TTC7A: variants seen among roughly 807,000 people sequenced by gnomAD.
TTC7A encodes tetratricopeptide repeat protein 7A.
A neutral mutation model predicts 103.7 loss-of-function variants in TTC7A; 110 were observed. That is an observed-to-expected ratio of 1.06 (90% confidence interval 0.91 to 1.24). The LOEUF is 1.24. Among genes scored for constraint, TTC7A ranks in the 50% most tolerant of loss-of-function variants. The pLI is 0.00. For missense variants in TTC7A, 1,340 were observed against 1,116.3 expected (o/e 1.20, Z -2.86); for synonymous variants, 521 against 467.9 (o/e 1.11, Z -1.47).
chr2:47,053,583 G>A (rs534829186), intron 18 of TTC7A, among the ~76,000 whole-genome samples: 1 of 150,142 alleles, frequency 6.7e-6, no homozygotes, highest in African/African-American at 2.5e-5. Flanking sequence ...TGGTTGGTTG[G>A]TTTTTTGAGG....
intron 11 of TTC7A, among the ~76,000 whole-genome samples, chr2:47,012,139 C>T (rs1413237269): frequency 6.6e-6 from 1 of 152,218 alleles, no homozygotes; most frequent in Non-Finnish European, 1.5e-5. Flanking sequence ...CTGCCCTGGG[C>T]CTACTCGGAT....
At chr2:46,978,530 C>G (rs1424891514) in intron 4 of TTC7A, among the ~76,000 whole-genome samples, 1 of 134,532 alleles carries the variant, frequency 7.4e-6, no homozygotes, top group Non-Finnish European at 1.6e-5. Flanking sequence ...AGTTTGAGAT[C>G]AGCCTGGGCA....
At chr2:46,919,666 G>A (rs1292380633) in intron 2 of TTC7A, among the ~76,000 whole-genome samples, 1 of 152,240 alleles carries the variant, frequency 6.6e-6, no homozygotes, top group African/African-American at 2.4e-5. Context: ...GTCTCTTGCT[G>A]TTGGGCCCTG....
Position 46,941,568 on chromosome 2 carries a change from C to G in TTC7A, c.27C>G (p.Ser9=). MAAKGAHG[S]YLKVESELER... ...TGGCTGCGAAGGGCGCGCACGGCTC[C>G]TACCTGAAGGTGGAGAGCGAGCTGG... is the stretch of plus-strand genomic sequence containing the variant. The change falls in exon 1 of 20, where the codon TCC becomes TCG. Residue 9 remains serine (S), a synonymous_variant. Transcript: ENST00000319190. This position sits in a 1 kb window ranked among gnomAD's most constrained non-coding sequence, Gnocchi z 4.2. The G allele has an allele frequency of 6.4e-7, 1 of 1,557,114 alleles. No homozygotes were observed. The highest frequency in any genetic ancestry group is 8.7e-7 in the Non-Finnish European group (1 of 1,151,026).
At position 46,944,142 on chromosome 2, in the gene TTC7A, C is replaced by T. The variant is rs56074302; in HGVS notation, c.184+2417C>T. On this transcript the variant is annotated intron_variant, in intron 1 of 19. Coordinates refer to ENST00000319190, the MANE Select transcript of TTC7A (RefSeq NM_020458.4). ...GAACCCCAGAGTCCTGCTTGCTGTG[C>T]TGGGGTTTGTTCATATAGAAACAAA... 5.4e-3 allele frequency among the ~76,000 whole-genome samples: 823 copies of T among 152,214 alleles called. 2 individuals are homozygous for T. Among genetic ancestry groups the T allele is most frequent in the Non-Finnish European group, 8.2e-3 (558 of 68,018 alleles).
At chr2:47,042,802 G>A (rs1230797407) in intron 15 of TTC7A, among the ~76,000 whole-genome samples, 1 of 152,214 alleles carries the variant, frequency 6.6e-6, no homozygotes, top group Non-Finnish European at 1.5e-5. Context: ...AGGAGGGCTG[G>A]AGCCGTGGGA....
intron 15 of TTC7A, among the ~76,000 whole-genome samples, chr2:47,038,591 A>C (rs911412069): frequency 6.6e-6 from 1 of 151,918 alleles, no homozygotes; most frequent in Non-Finnish European, 1.5e-5. Flanking sequence ...TTAAGAGATA[A>C]TGCCCCTTTC....
chr2:46,973,982 G>A (rs1673609938), intron 3 of TTC7A, among the ~76,000 whole-genome samples: 1 of 152,166 alleles, frequency 6.6e-6, no homozygotes, highest in Non-Finnish European at 1.5e-5. Flanking sequence ...CAGTAGCCAG[G>A]AGCAGCTGGT....
chr2:47,064,666 C>G (rs1684046204), intron 19 of TTC7A, among the ~76,000 whole-genome samples: 1 of 152,178 alleles, frequency 6.6e-6, no homozygotes, highest in Admixed American at 6.5e-5. Flanking sequence ...CTGAGGAAAC[C>G]AGGGAGTCCC....
At position 47,000,083 on chromosome 2, in the gene TTC7A, TG is replaced by T. The variant is rs1676639680; in HGVS notation, c.1065+4886del. On this transcript the variant is annotated intron_variant, in intron 8 of 19. Transcript: ENST00000319190. ...TAATAAGATCTTTCTTGTATGACTT[TG>T]GTGAATTAAATAAGAAAATGAATGT... 2.6e-5 allele frequency among the ~76,000 whole-genome samples: 4 copies of T among 152,334 alleles called. No individual in the cohort carries two copies. The South Asian group carries it at 8.3e-4, about 32-fold the overall frequency.
At chr2:47,054,835 CAA>C (rs71399005) in intron 18 of TTC7A, among the ~76,000 whole-genome samples, 17 of 115,598 alleles carry the variant, frequency 1.5e-4, no homozygotes, top group Admixed American at 1.8e-4. Context: ...GACCCTGTCT[CAA>C]AAAAAAAAAA....
chr2:46,998,613 AG>A (rs1353569199), intron 8 of TTC7A, among the ~76,000 whole-genome samples: 1 of 152,210 alleles, frequency 6.6e-6, no homozygotes, highest in Non-Finnish European at 1.5e-5. Context: ...GCTGCTACTT[AG>A]GTTCTCCTAA....
At chr2:46,964,191 C>T (rs1042242601) in intron 3 of TTC7A, among the ~76,000 whole-genome samples, 2 of 152,164 alleles carry the variant, frequency 1.3e-5, no homozygotes, top group Non-Finnish European at 2.9e-5. Context: ...CCTTCACAGG[C>T]GAGCTGGGTG....
chr2:46,952,671 G>C (rs1160149835), intron 2 of TTC7A, among the ~76,000 whole-genome samples: 3 of 152,138 alleles, frequency 2.0e-5, no homozygotes, highest in African/African-American at 7.2e-5. Context: ...AGGGTCACTT[G>C]AGCCTAGGAG....
Position 47,029,238 on chromosome 2 carries a change from G to A in TTC7A, c.1656G>A (p.Met552Ile), listed in dbSNP as rs565327842. 6.2e-7 allele frequency: 1 copy of A among 1,613,860 alleles called. No individual in the cohort carries two copies. The highest frequency in any genetic ancestry group is 8.5e-7 in the Non-Finnish European group (1 of 1,180,006). Reference protein sequence around the residue: ...LALVRQISSAMEQLQEALKVR... With the variant: ...LALVRQISSAIEQLQEALKVR... The stretch of plus-strand genomic sequence containing the variant: ...TCCTTCAACAGATCTCCAGTGCCAT[G>A]GAGCAGCTGCAGGAGGCCCTGAAGG... The change falls in exon 15 of 20, where the codon ATG becomes ATA. Residue 552 changes from methionine to isoleucine, a missense_variant. Transcript: ENST00000319190.
At chr2:46,951,276 G>A (rs1311518960) in intron 2 of TTC7A, among the ~76,000 whole-genome samples, 1 of 152,000 alleles carries the variant, frequency 6.6e-6, no homozygotes, top group African/African-American at 2.4e-5. Flanking sequence ...AGCAGTGTAG[G>A]CATCATTGGG....
intron 3 of TTC7A, among the ~76,000 whole-genome samples, chr2:46,970,394 G>A (rs970988913): frequency 1.3e-5 from 2 of 152,224 alleles, no homozygotes; most frequent in Non-Finnish European, 2.9e-5. Context: ...GAAGGTGGAG[G>A]CCCACAGACC....
chr2:47,073,479 C>T (rs1008757021), intron 19 of TTC7A, among the ~76,000 whole-genome samples: 1 of 152,182 alleles, frequency 6.6e-6, no homozygotes. Context: ...AGAGCTCCTG[C>T]AGTGGGTTTC....
chr2:47,031,357 G>A (rs1680523885), intron 15 of TTC7A, among the ~76,000 whole-genome samples: 1 of 152,180 alleles, frequency 6.6e-6, no homozygotes, highest in Non-Finnish European at 1.5e-5. Flanking sequence ...CACTCCTAGT[G>A]CCAGTAACCT....
Sources: gnomAD v4.1 joint callset for allele counts (sites outside exome capture counted in the v4.1 genomes callset) on GRCh38, gnomAD v4.1.1 for gene constraint, Gnocchi (gnomAD v3.1) non-coding constraint, MANE v1.5 for transcripts, NCBI Gene and HGNC (gene_info 2026-07-23, HGNC 2026-07-21) for gene names.